HDAC4: variants seen among roughly 807,000 people sequenced by gnomAD.
HDAC4 encodes the protein histone deacetylase A.
HDAC4 carries 16 observed loss-of-function variants against 135.1 expected under a neutral mutation model. The observed-to-expected ratio is 0.12, with a 90% CI of 0.08 to 0.18. The LOEUF (loss-of-function observed/expected upper bound fraction) is 0.18, where lower values mean the gene tolerates loss of function less well. HDAC4 is among the 10% of genes least tolerant of loss of function. The probability of loss-of-function intolerance (pLI) is 1.00; values close to 1 mark genes in which losing one functional copy is unlikely to be tolerated. For synonymous variants in HDAC4, 685 were observed against 653.4 expected, an observed-to-expected ratio of 1.05 and a Z score of -0.74; for missense variants, 1,143 against 1,511.8, an observed-to-expected ratio of 0.76 and a Z score of 4.05.
chr2:239,336,403 G>A (rs150480694), intron 2 of HDAC4, among the ~76,000 whole-genome samples: 246 of 152,130 alleles, frequency 1.6e-3, no homozygotes, highest in African/African-American at 5.6e-3. Context: ...AGACATTGGC[G>A]GTCTTCAAGG....
rs1455879110 is a variant in HDAC4 at position 239,120,073 on chromosome 2, G to T, written c.1534-4763C>A. On this transcript the variant is annotated intron_variant, in intron 12 of 26. Coordinates refer to ENST00000543185, the MANE Select transcript of HDAC4 (RefSeq NM_001378414.1). The stretch of plus-strand genomic sequence containing the variant: ...AGAGAAGGGCCACCACAGAGGAGGT[G>T]CTGGCCCCGGGACGGGGAGGTGGGT... Among the ~76,000 whole-genome samples the T allele has an allele frequency of 4.6e-5, 7 of 152,162 alleles. No individual in the cohort carries two copies. In the East Asian group the frequency reaches 1.4e-3, roughly 30 times the overall value.
At chr2:239,073,736 G>A (rs2034441143) in intron 22 of HDAC4, among the ~76,000 whole-genome samples, 1 of 152,274 alleles carries the variant, frequency 6.6e-6, no homozygotes, top group African/African-American at 2.4e-5. Context: ...TGGCCTCAGA[G>A]CGTGCGTGGA....
chr2:239,211,622 T>A (rs892929341), intron 3 of HDAC4, among the ~76,000 whole-genome samples: 8 of 152,246 alleles, frequency 5.3e-5, no homozygotes, highest in Non-Finnish European at 1.2e-4. Flanking sequence ...TTCTTGGGAC[T>A]TTGTCTGAAG....
intron 2 of HDAC4, among the ~76,000 whole-genome samples, chr2:239,273,865 GAAC>G (rs1037874971): frequency 1.3e-5 from 2 of 152,192 alleles, no homozygotes; most frequent in African/African-American, 4.8e-5. Flanking sequence ...ACACTTATTT[GAAC>G]AACAGCCACA....
chr2:239,087,545 C>A lies in HDAC4; in HGVS notation c.2444+14G>T. ...TGGGTTCCCCTGCTGTGCGGGGCTGCGGCGTGTACTCACATGGGCGTGCTC... is the reference window on the plus strand; with the variant it reads ...TGGGTTCCCCTGCTGTGCGGGGCTGAGGCGTGTACTCACATGGGCGTGCTC... On this transcript the variant is annotated intron_variant, in intron 19 of 26. Coordinates refer to ENST00000543185, the MANE Select transcript of HDAC4 (RefSeq NM_001378414.1). The A allele has an allele frequency of 1.2e-6, 2 of 1,611,930 alleles. No individual in the cohort carries two copies. The highest frequency in any genetic ancestry group is 8.5e-7 in the Non-Finnish European group (1 of 1,179,046).
At chr2:239,064,608 C>T (rs759009936) in intron 24 of HDAC4, among the ~76,000 whole-genome samples, 11 of 152,328 alleles carry the variant, frequency 7.2e-5, no homozygotes, top group African/African-American at 1.7e-4. Context: ...AGGTCAGGAA[C>T]GTACGGCTTC....
In HDAC4 at chr2:239,167,042, T is replaced by G. The variant is rs6711380; in HGVS notation, c.491-3119A>C. On this transcript the variant is annotated intron_variant, in intron 5 of 26. Coordinates refer to ENST00000543185, the MANE Select transcript of HDAC4 (RefSeq NM_001378414.1). This position sits in a 1 kb window ranked among gnomAD's most constrained non-coding sequence, Gnocchi z 4.1. Reference sequence around the variant, plus strand: ...TGAGGATGAGGACCCAGATGGCCAGTTGTTGGAGGGGACTGCCCTGCAGGT... The same window carrying G: ...TGAGGATGAGGACCCAGATGGCCAGGTGTTGGAGGGGACTGCCCTGCAGGT... 6.6e-6 allele frequency among the ~76,000 whole-genome samples: 1 copy of G among 151,554 alleles called. No homozygotes were observed. The highest frequency in any genetic ancestry group is 1.5e-5 in the Non-Finnish European group (1 of 67,956).
chr2:239,105,046 C>T (rs904465025), intron 15 of HDAC4, among the ~76,000 whole-genome samples: 3 of 152,240 alleles, frequency 2.0e-5, no homozygotes, highest in South Asian at 2.1e-4. Context: ...AATATTGTGA[C>T]GGCTCAGACT....
rs1277960607 is a variant in HDAC4, at chr2:239,400,774, C to CGCGCGG, written c.-220+198_-220+203dup. 6.9e-6 allele frequency: 1 copy of CGCGCGG among 145,700 alleles called. No individual in the cohort carries two copies. The highest frequency in any genetic ancestry group is 2.5e-5 in the African/African-American group (1 of 40,542). The allele number at this position is 145,700 out of a possible 1,614,324, so 9.0% of individuals were successfully genotyped here. Reference sequence around the variant, plus strand: ...CTCAGCCTGCGCCGCCACCCGCCGGCGCGCGGGCTCGGGCTCGGGCGGCGA... The same window carrying CGCGCGG: ...CTCAGCCTGCGCCGCCACCCGCCGGCGCGCGGGCGCGGGCTCGGGCTCGGGCGGCGA... On this transcript the variant is annotated intron_variant, in intron 1 of 26. Transcript: ENST00000543185. This position sits in a 1 kb window ranked among gnomAD's most constrained non-coding sequence, Gnocchi z 4.7.
intron 18 of HDAC4, 55 bp downstream of exon 18, chr2:239,089,954 T>C (rs2036350524): frequency 7.5e-7 from 1 of 1,328,432 alleles, no homozygotes; most frequent in Admixed American, 1.7e-5. Flanking sequence ...CTCCCCACAC[T>C]GGGAATCTAT....
At position 239,306,517 on chromosome 2, in the gene HDAC4, T is replaced by C. The variant is rs1322274700; in HGVS notation, c.22+46161A>G. Among the ~76,000 whole-genome samples, 2 of 152,078 alleles carry C rather than the reference T, an allele frequency of 1.3e-5. No homozygotes were observed. The highest frequency in any genetic ancestry group is 2.9e-5 in the Non-Finnish European group (2 of 68,006). On this transcript the variant is annotated intron_variant, in intron 2 of 26. Transcript: ENST00000543185. This position sits in a 1 kb window ranked among gnomAD's most constrained non-coding sequence, Gnocchi z 4.5. ...CTCGGCCCGTAGAGCCATCAAATCA[T>C]CTGGGCCCCGACACACTTGTTTCGT...
At chr2:239,376,107 C>T (rs62180880) in intron 1 of HDAC4, among the ~76,000 whole-genome samples, 3 of 152,210 alleles carry the variant, frequency 2.0e-5, no homozygotes, top group Non-Finnish European at 2.9e-5. Context: ...CACAACCCTC[C>T]ACCATCCAAA....
intron 16 of HDAC4, among the ~76,000 whole-genome samples, chr2:239,099,615 G>A (rs942143867): frequency 2.0e-5 from 3 of 152,216 alleles, no homozygotes; most frequent in South Asian, 2.1e-4. Context: ...CCCAGCTCCC[G>A]GACAGAAAGC....
chr2:239,114,766 C>CA (rs1281258926), intron 13 of HDAC4, among the ~76,000 whole-genome samples: 1 of 152,206 alleles, frequency 6.6e-6, no homozygotes, highest in Non-Finnish European at 1.5e-5. Context: ...TGTTCATTTA[C>CA]AGCCTACAGA....
rs192426515 is a variant in HDAC4 at position 239,313,997 on chromosome 2, G to A, written c.22+38681C>T. 2.2e-3 allele frequency among the ~76,000 whole-genome samples: 341 copies of A among 152,254 alleles called. 1 individual carries two copies. The highest frequency in any genetic ancestry group is 7.6e-3 in the African/African-American group (314 of 41,540). ...GCCTGCAAGGGACACATCCGGGCCTGGGCTTGGTGCTGGCTAGAAGGGGTC... is the reference window on the plus strand; with the variant it reads ...GCCTGCAAGGGACACATCCGGGCCTAGGCTTGGTGCTGGCTAGAAGGGGTC... On this transcript the variant is annotated intron_variant, in intron 2 of 26. Coordinates refer to ENST00000543185, the MANE Select transcript of HDAC4 (RefSeq NM_001378414.1). The surrounding 1 kb of genome is among the most constrained non-coding windows in gnomAD (Gnocchi z 5.1).
chr2:239,343,766 G>A lies in HDAC4; in HGVS notation c.22+8912C>T, dbSNP rs111932700. ...TCAGGTCCCAGGTGCCCAGTGTTCTGCCGCAGAGAGGCGCACACTCCTTGA... is the reference window on the plus strand; with the variant it reads ...TCAGGTCCCAGGTGCCCAGTGTTCTACCGCAGAGAGGCGCACACTCCTTGA... On this transcript the variant is annotated intron_variant, in intron 2 of 26. Transcript: ENST00000543185. 1.3e-4 allele frequency among the ~76,000 whole-genome samples: 20 copies of A among 152,342 alleles called. 1 individual carries two copies. The highest frequency in any genetic ancestry group is 4.3e-4 in the African/African-American group (18 of 41,586).
chr2:239,094,475 A>G (rs1371409898), intron 17 of HDAC4: 9 of 996,428 alleles, frequency 9.0e-6, no homozygotes, highest in Non-Finnish European at 1.1e-5. Context: ...ATCAGTTCGT[A>G]GAAGCTGGCA....
intron 2 of HDAC4, among the ~76,000 whole-genome samples, chr2:239,317,448 A>G (rs2053157881): frequency 6.6e-6 from 1 of 151,994 alleles, no homozygotes; most frequent in African/African-American, 2.4e-5. Context: ...AGGCCAGGAC[A>G]GGGTAAGTAC....
intron 2 of HDAC4, among the ~76,000 whole-genome samples, chr2:239,281,516 C>T (rs1482093009): frequency 6.7e-6 from 1 of 148,332 alleles, no homozygotes; most frequent in African/African-American, 2.5e-5. Context: ...CTACAATGAA[C>T]ACACCACTCT....
Sources: allele counts gnomAD v4.1 joint callset (sites outside exome capture counted in the v4.1 genomes callset), GRCh38; gene constraint gnomAD v4.1.1; non-coding constraint Gnocchi (gnomAD v3.1); transcripts MANE v1.5; gene names NCBI Gene and HGNC (gene_info 2026-07-23, HGNC 2026-07-21).